Variants in TRAPPC10 observed in about 807,000 individuals in gnomAD.
The protein encoded by TRAPPC10 is TRAPP 130 kDa subunit.
Under a neutral mutation model 125.5 loss-of-function variants are expected in TRAPPC10, and 23 were observed. The ratio of observed to expected loss-of-function variants is 0.18; its 90% CI spans 0.13 to 0.26. TRAPPC10 has a LOEUF of 0.26. Ranked by LOEUF, TRAPPC10 falls within the 10% of genes least tolerant of loss-of-function variation. The probability of loss-of-function intolerance (pLI) is 1.00; values close to 1 mark genes in which losing one functional copy is unlikely to be tolerated. For missense variants in TRAPPC10, 1,123 were observed against 1,308.4 expected (o/e 0.86, Z 2.19); for synonymous variants, 509 against 518.0 (o/e 0.98, Z 0.24).
chr21:44,052,000 A>G (rs1271521534), intron 3 of TRAPPC10, among the ~76,000 whole-genome samples: 2 of 152,066 alleles, frequency 1.3e-5, no homozygotes, highest in African/African-American at 4.8e-5. Flanking sequence ...AGCTCACTCA[A>G]CCCTCTGACT....
intron 6 of TRAPPC10, chr21:44,062,673 C>T (rs1425320915): frequency 1.0e-6 from 1 of 985,286 alleles, no homozygotes; most frequent in African/African-American, 1.7e-5. Flanking sequence ...GGGTCCACTC[C>T]ACACTGCTGG....
In TRAPPC10 at chr21:44,087,047, A is replaced by T; in HGVS notation, c.2539+87A>T. 1 of 1,501,208 alleles carries T rather than the reference A, an allele frequency of 6.7e-7. No homozygotes were observed. Among genetic ancestry groups the T allele is most frequent in the East Asian group, 2.3e-5 (1 of 43,810 alleles). The allele number at this position is 1,501,208 out of a possible 1,614,324, so 93.0% of individuals were successfully genotyped here. A position where few individuals can be genotyped will look rare whatever the true frequency, so the allele number is the denominator to read the frequency against. The stretch of plus-strand genomic sequence containing the variant: ...TGAGGGTGAGCCTGGCCTTGCTGCC[A>T]TCCTGCTGAGCGCCCCTCAACAGTG... On this transcript the variant is annotated intron_variant, in intron 16 of 22. Transcript: ENST00000291574. This position sits in a 1 kb window ranked among gnomAD's most constrained non-coding sequence, Gnocchi z 4.6.
At chr21:44,083,463 T>A (rs1601798172) in intron 14 of TRAPPC10, among the ~76,000 whole-genome samples, 161 bp downstream of exon 14, 3 of 152,242 alleles carry the variant, frequency 2.0e-5, no homozygotes, top group Non-Finnish European at 4.4e-5. Flanking sequence ...ATGTTTTCTT[T>A]CGTGTTTTAT....
Position 44,092,055 on chromosome 21 carries a change from C to T in TRAPPC10, c.2997+6C>T, listed in dbSNP as rs1275162787. On this transcript the variant is annotated splice_donor_region_variant and intron_variant, in intron 19 of 22. Coordinates refer to ENST00000291574, the MANE Select transcript of TRAPPC10 (RefSeq NM_003274.5). ...TGAACACGCAGTCCCAGCAGGTAAA[C>T]ATTGTGTAGACCTGAGCATAAACTT... 2 of 1,613,902 alleles carry T rather than the reference C, an allele frequency of 1.2e-6. No homozygotes were observed.
intron 3 of TRAPPC10, chr21:44,046,578 C>G (rs1479329614): frequency 5.4e-6 from 1 of 184,990 alleles, no homozygotes; most frequent in Non-Finnish European, 1.1e-5. Flanking sequence ...ATGGCACGAT[C>G]TCGGCTCACT....
intron 11 of TRAPPC10, among the ~76,000 whole-genome samples, chr21:44,079,293 CT>C (rs2146071001): frequency 6.6e-6 from 1 of 152,236 alleles, no homozygotes; most frequent in Admixed American, 6.5e-5. Flanking sequence ...ATGAAAGTTC[CT>C]CGACATGTGT....
intron 17 of TRAPPC10, chr21:44,088,221 G>A: frequency 4.5e-6 from 2 of 442,586 alleles, no homozygotes; most frequent in Non-Finnish European, 8.4e-6. Context: ...GTAAAACTTG[G>A]GTCATGTCCA....
At chr21:44,033,162 A>T (rs1400489045) in intron 2 of TRAPPC10, among the ~76,000 whole-genome samples, 2 of 152,204 alleles carry the variant, frequency 1.3e-5, no homozygotes. Flanking sequence ...TTGTCTTGTA[A>T]CATAGGTAAT....
Position 44,084,108 on chromosome 21 carries a change from T to C in TRAPPC10, c.2239-14T>C. 1 of 1,613,524 alleles carries C rather than the reference T, an allele frequency of 6.2e-7. No individual in the cohort carries two copies. The highest frequency in any genetic ancestry group is 8.5e-7 in the Non-Finnish European group (1 of 1,179,834). ...GGGTGACGTGGTTTCAAATGCCTGA[T>C]TCTTTGACTCTAGGCCAAGGAACCT... On this transcript the variant is annotated splice_polypyrimidine_tract_variant and intron_variant, in intron 14 of 22. Transcript: ENST00000291574.
chr21:44,016,752 G>A (rs1179929544), intron 1 of TRAPPC10, among the ~76,000 whole-genome samples: 1 of 152,256 alleles, frequency 6.6e-6, no homozygotes, highest in Non-Finnish European at 1.5e-5. Context: ...TCCGCCTCCC[G>A]GGTTCACGCC....
intron 1 of TRAPPC10, among the ~76,000 whole-genome samples, chr21:44,014,845 A>G (rs764095286): frequency 2.0e-5 from 3 of 152,126 alleles, no homozygotes; most frequent in Non-Finnish European, 4.4e-5. Flanking sequence ...GTCAAAGTTA[A>G]CTTGAAAAAT....
chr21:44,079,504 G>C, intron 11 of TRAPPC10, 60 bp from the exon 12 acceptor site: 1 of 1,546,234 alleles, frequency 6.5e-7, no homozygotes, highest in East Asian at 2.3e-5. Context: ...GAGAGATGGG[G>C]TTTCAGTGTG....
In TRAPPC10 at chr21:44,028,510, T is replaced by C. The variant is rs905849753; in HGVS notation, c.68-3581T>C. 2.0e-5 allele frequency among the ~76,000 whole-genome samples: 3 copies of C among 152,152 alleles called. No individual in the cohort carries two copies. In the East Asian group the frequency reaches 5.8e-4, roughly 29 times the overall value. ...GGTGATGCTGTGCTCCCACAGACTT[T>C]AGGGATCCATGGCACCCCAGCTTCC... On this transcript the variant is annotated intron_variant, in intron 1 of 22. Coordinates refer to ENST00000291574, the MANE Select transcript of TRAPPC10 (RefSeq NM_003274.5).
Position 44,062,956 on chromosome 21 carries a change from A to G in TRAPPC10, c.791-582A>G, listed in dbSNP as rs1356299674. ...GATCATATTTGAGTCTTAGGGATGT[A>G]AGTAAACCTCTGGGAGCCTTGCTGA... On this transcript the variant is annotated intron_variant, in intron 6 of 22. Coordinates refer to ENST00000291574, the MANE Select transcript of TRAPPC10 (RefSeq NM_003274.5). 3.8e-6 allele frequency: 5 copies of G among 1,299,084 alleles called. No individual in the cohort carries two copies. In the African/African-American group the frequency reaches 7.6e-5, roughly 20 times the overall value. The allele number at this position is 1,299,084 out of a possible 1,614,324, so 80.5% of individuals were successfully genotyped here. A position where few individuals can be genotyped will look rare whatever the true frequency, so the allele number is the denominator to read the frequency against.
intron 4 of TRAPPC10, 112 bp from the exon 5 acceptor site, chr21:44,055,586 A>AT: frequency 1.1e-6 from 1 of 882,236 alleles, no homozygotes; most frequent in Non-Finnish European, 1.7e-6. Context: ...TCAAAAAAAA[A>AT]AAAAAAAGGA....
chr21:44,066,169 G>A (rs1294499113), intron 7 of TRAPPC10, among the ~76,000 whole-genome samples: 1 of 152,192 alleles, frequency 6.6e-6, no homozygotes, highest in East Asian at 1.9e-4. Flanking sequence ...AACATGTCCT[G>A]CTAACATCCT....
At chr21:44,086,727 T>C (rs2038159776) in intron 15 of TRAPPC10, 75 bp from the exon 16 acceptor site, 5 of 1,514,560 alleles carry the variant, frequency 3.3e-6, no homozygotes, top group Non-Finnish European at 4.5e-6. Flanking sequence ...TAGAGCCCCT[T>C]TCACCCCATT....
chr21:44,083,454 T>TGC, intron 14 of TRAPPC10, 152 bp downstream of exon 14: 1 of 832,468 alleles, frequency 1.2e-6, no homozygotes, highest in Non-Finnish European at 1.8e-6. Flanking sequence ...AATACACTGA[T>TGC]GTTTTCTTTC....
intron 17 of TRAPPC10, chr21:44,089,479 C>A: frequency 2.2e-6 from 1 of 458,836 alleles, no homozygotes; most frequent in South Asian, 1.6e-5. Context: ...TTTGTCAAAA[C>A]CCTGTGCACA....
Sources: allele counts gnomAD v4.1 joint callset (sites outside exome capture counted in the v4.1 genomes callset), GRCh38; gene constraint gnomAD v4.1.1; non-coding constraint Gnocchi (gnomAD v3.1); transcripts MANE v1.5; gene names NCBI Gene and HGNC (gene_info 2026-07-23, HGNC 2026-07-21).